Variants in UGT1A9 observed in about 807,000 individuals in gnomAD.
UGT1A9 encodes the protein UDP-glucuronosyltransferase 1A9.
A neutral mutation model predicts 45.0 loss-of-function variants in UGT1A9; 35 were observed. That is an observed-to-expected ratio of 0.78 (90% CI 0.59 to 1.03). The LOEUF (loss-of-function observed/expected upper bound fraction) is 1.03. UGT1A9 is among the 50% of genes least tolerant of loss of function. UGT1A9 has a pLI of 0.00. For missense variants in UGT1A9, 687 were observed against 666.6 expected, an observed-to-expected ratio of 1.03 and a Z score of -0.34; for synonymous variants, 278 against 250.6, an observed-to-expected ratio of 1.11 and a Z score of -1.03.
chr2:233,747,595 G>A lies in UGT1A9; in HGVS notation c.856-19439G>A, dbSNP rs188498977. 1.9e-6 allele frequency: 3 copies of A among 1,576,476 alleles called. 1 individual carries two copies. In the African/African-American group the frequency reaches 4.1e-5, roughly 21 times the overall value. ...TCATCTTTGGTCTTTCATAGGTCTT[G>A]TGTGGAGCTACTGCATAATGAGGCC... On this transcript the variant is annotated intron_variant, in intron 1 of 4. Coordinates refer to ENST00000354728, the MANE Select transcript of UGT1A9 (RefSeq NM_021027.3).
chr2:233,748,518 A>T lies in UGT1A9; in HGVS notation c.856-18516A>T, dbSNP rs151219324. Among the ~76,000 whole-genome samples the T allele has an allele frequency of 4.6e-3, 699 of 151,972 alleles. 22 individuals carry two copies. The highest frequency in any genetic ancestry group is 0.016 in the African/African-American group (660 of 41,240). Reference sequence around the variant, plus strand: ...TAATTTTTAGTGGTCCTGTCTTGCGAATGATAGAGAGGTGACCACAGGAGA... The same window carrying T: ...TAATTTTTAGTGGTCCTGTCTTGCGTATGATAGAGAGGTGACCACAGGAGA... On this transcript the variant is annotated intron_variant, in intron 1 of 4. Coordinates refer to ENST00000354728, the MANE Select transcript of UGT1A9 (RefSeq NM_021027.3).
At chr2:233,709,447 T>C (rs756561648) in intron 1 of UGT1A9, among the ~76,000 whole-genome samples, 19 of 152,250 alleles carry the variant, frequency 1.2e-4, no homozygotes, top group Non-Finnish European at 2.2e-4. Flanking sequence ...ACCTGCCGAC[T>C]TTTAAAGCAA....
At chr2:233,755,374 C>G (rs1205727870) in intron 1 of UGT1A9, 3 of 355,518 alleles carry the variant, frequency 8.4e-6, no homozygotes, top group South Asian at 6.7e-5. Flanking sequence ...CCTGGAGGGC[C>G]GCCCCTTATG....
intron 1 of UGT1A9, chr2:233,750,715 C>G (rs1487132434): frequency 6.6e-6 from 1 of 151,920 alleles, no homozygotes; most frequent in Non-Finnish European, 1.5e-5. Context: ...AGAGCTCAGG[C>G]CATTGCTTCA....
intron 1 of UGT1A9, chr2:233,712,899 G>A (rs2076260156): frequency 1.1e-5 from 18 of 1,608,322 alleles, no homozygotes; most frequent in Non-Finnish European, 1.4e-5. Context: ...TGATTTGCTA[G>A]GTGTCTCAGT....
At chr2:233,695,891 A>G (rs1183096724) in intron 1 of UGT1A9, among the ~76,000 whole-genome samples, 1 of 152,212 alleles carries the variant, frequency 6.6e-6, no homozygotes, top group African/African-American at 2.4e-5. Context: ...TTCAGTGAAC[A>G]AATGTGTGGG....
intron 1 of UGT1A9, among the ~76,000 whole-genome samples, chr2:233,698,597 G>C (rs966031058): frequency 6.6e-6 from 1 of 152,070 alleles, no homozygotes; most frequent in East Asian, 1.9e-4. Context: ...CAAGAAATTC[G>C]GATTAATAAA....
chr2:233,710,329 A>C (rs1202722431), intron 1 of UGT1A9, among the ~76,000 whole-genome samples: 1 of 152,250 alleles, frequency 6.6e-6, no homozygotes, highest in Non-Finnish European at 1.5e-5. Flanking sequence ...TGACTTCATA[A>C]GAAACAGTCG....
intron 1 of UGT1A9, among the ~76,000 whole-genome samples, chr2:233,677,891 T>G (rs1322580202): frequency 2.6e-5 from 4 of 152,032 alleles, no homozygotes; most frequent in Non-Finnish European, 5.9e-5. Context: ...GCAGCTCTAT[T>G]CAGAATAGAA....
chr2:233,691,742 C>A, intron 1 of UGT1A9: 1 of 642,198 alleles, frequency 1.6e-6, no homozygotes, highest in Non-Finnish European at 1.9e-6. Flanking sequence ...AAGCAGATAC[C>A]AGGCTTTCTG....
At chr2:233,691,435 G>A in intron 1 of UGT1A9, 1 of 985,642 alleles carries the variant, frequency 1.0e-6, no homozygotes, top group African/African-American at 1.7e-5. Context: ...TGTTGCTCAG[G>A]CTTCTTCTCC....
At chr2:233,758,766 C>A (rs1239430775) in intron 1 of UGT1A9, among the ~76,000 whole-genome samples, 1 of 152,154 alleles carries the variant, frequency 6.6e-6, no homozygotes, top group Admixed American at 6.5e-5. Flanking sequence ...GTGTATGGTT[C>A]AAATGTTGGG....
intron 1 of UGT1A9, chr2:233,754,408 C>A (rs1318751129): frequency 2.9e-6 from 1 of 340,794 alleles, no homozygotes; most frequent in South Asian, 2.4e-5. Flanking sequence ...GCAGTCCCAA[C>A]AATAAAGACA....
At chr2:233,767,718 A>G in intron 2 of UGT1A9, 131 bp from the exon 3 acceptor site, 1 of 1,541,762 alleles carries the variant, frequency 6.5e-7, no homozygotes, top group Non-Finnish European at 8.7e-7. Context: ...AAGCCTTCAC[A>G]GTTACTGATC....
At chr2:233,691,742 C>T in intron 1 of UGT1A9, 1 of 642,200 alleles carries the variant, frequency 1.6e-6, no homozygotes, top group South Asian at 6.9e-5. Flanking sequence ...AAGCAGATAC[C>T]AGGCTTTCTG....
rs1472229025 is a variant in UGT1A9 at position 233,772,837 on chromosome 2, T to C, written c.*278T>C. ...CGTGCAGACAGGCTGGCATTCTAGA[T>C]TACTTTTCTTACTCTGAAACATGGC... is the stretch of plus-strand genomic sequence containing the variant. On this transcript the variant is annotated 3_prime_UTR_variant, in exon 5 of 5. Transcript: ENST00000354728. 1.2e-6 allele frequency: 1 copy of C among 832,170 alleles called. No homozygotes were observed. The highest frequency in any genetic ancestry group is 1.7e-6 in the Non-Finnish European group (1 of 590,342). The allele number at this position is 832,170 out of a possible 1,614,324, so 51.5% of individuals were successfully genotyped here.
At chr2:233,700,761 G>A (rs1358984875) in intron 1 of UGT1A9, among the ~76,000 whole-genome samples, 1 of 151,532 alleles carries the variant, frequency 6.6e-6, no homozygotes, top group East Asian at 1.9e-4. Context: ...TAGGGTACAT[G>A]TGCACAACGT....
chr2:233,682,021 G>A (rs1175054250), intron 1 of UGT1A9: 23 of 1,614,032 alleles, frequency 1.4e-5, no homozygotes, highest in Non-Finnish European at 1.9e-5. Context: ...CAGGGAAGCT[G>A]CTGGTAGTGC....
chr2:233,739,455 G>C (rs1296247158), intron 1 of UGT1A9, among the ~76,000 whole-genome samples: 14 of 152,240 alleles, frequency 9.2e-5, no homozygotes, highest in Admixed American at 9.2e-4. Flanking sequence ...CCACAGGGTT[G>C]GAGCTGCCTG....
Sources: allele counts gnomAD v4.1 joint callset (sites outside exome capture counted in the v4.1 genomes callset), GRCh38; gene constraint gnomAD v4.1.1; transcripts MANE v1.5; gene names NCBI Gene and HGNC (gene_info 2026-07-23, HGNC 2026-07-21).